The following SURF1 variants were observed in gnomAD, a reference collection of about 807,000 sequenced individuals.
The protein encoded by SURF1 is SURF1 cytochrome c oxidase assembly factor.
SURF1 carries 45 observed loss-of-function variants against 34.1 expected under a neutral mutation model. That is an observed-to-expected ratio of 1.32 (90% CI 1.04 to 1.69). SURF1 has a LOEUF of 1.69. Among genes scored for constraint, SURF1 ranks in the 40% most tolerant of loss-of-function variants. The pLI, the probability that SURF1 is intolerant of heterozygous loss-of-function variation, is 0.00. For synonymous variants in SURF1, 188 were observed against 147.5 expected (o/e 1.27, Z -1.99); for missense variants, 456 against 384.6 (o/e 1.19, Z -1.55).
At chr9:133,353,999 G>A (rs1836505200) in intron 4 of SURF1, 59 bp from the exon 5 acceptor site, 1 of 1,603,580 alleles carries the variant, frequency 6.2e-7, no homozygotes, top group Non-Finnish European at 8.5e-7. Flanking sequence ...AATCCCCTGA[G>A]GGTGGCAGAC....
At position 133,354,885 on chromosome 9, in the gene SURF1, G is replaced by A. The variant is rs782301641; in HGVS notation, c.179C>T (p.Ser60Phe). ...EASATKAEDD[S>F]FLQWVLLLIP... ...GAGGAGCAGGACCCACTGAAGAAAG[G>A]AGTCATCTTCCGCTTTTGTGGCAGA... The change falls in exon 3 of 9, where the codon TCC becomes TTC. Residue 60 changes from serine to phenylalanine, a missense_variant. Transcript: ENST00000371974. The A allele has an allele frequency of 6.2e-7, 1 of 1,613,908 alleles. No individual in the cohort carries two copies. Among genetic ancestry groups the A allele is most frequent in the Non-Finnish European group, 8.5e-7 (1 of 1,180,042 alleles).
Position 133,356,335 on chromosome 9 carries a change from G to C in SURF1, c.55-15C>G, listed in dbSNP as rs1255936479. On this transcript the variant is annotated splice_polypyrimidine_tract_variant and intron_variant, in intron 1 of 8. Coordinates refer to ENST00000371974, the MANE Select transcript of SURF1 (RefSeq NM_003172.4). ...CTGGCCGGGGCCTGCGGACACGGAC[G>C]GGCGGGCTGAGCTCCGGGACCCCTC... 13 of 1,505,846 alleles carry C rather than the reference G, an allele frequency of 8.6e-6. No individual in the cohort carries two copies. Among genetic ancestry groups the C allele is most frequent in the Non-Finnish European group, 9.7e-6 (11 of 1,135,794 alleles). The allele number at this position is 1,505,846 out of a possible 1,614,324, so 93.3% of individuals were successfully genotyped here.
chr9:133,355,951 C>A (rs1016939276), intron 2 of SURF1, among the ~76,000 whole-genome samples: 1 of 152,150 alleles, frequency 6.6e-6, no homozygotes, highest in African/African-American at 2.4e-5. Flanking sequence ...ACTTTCAGAG[C>A]CCTGGGCTTT....
Position 133,354,857 on chromosome 9 carries a change from G to A in SURF1, c.207C>T (p.Ile69=), listed in dbSNP as rs2130019206. 1.9e-6 allele frequency: 3 copies of A among 1,614,048 alleles called. No homozygotes were observed. In the South Asian group the frequency reaches 3.3e-5, roughly 18 times the overall value. ...TCCCCAAGCCAAAGGCAGTCACAGG[G>A]ATGAGGAGCAGGACCCACTGAAGAA... The part of the protein sequence containing the change: ...DSFLQWVLLL[I]PVTAFGLGTW... Residue 69 remains isoleucine (I), a synonymous_variant, in exon 3 of 9, where the codon ATC becomes ATT. Coordinates refer to ENST00000371974, the MANE Select transcript of SURF1 (RefSeq NM_003172.4).
intron 7 of SURF1, 133 bp from the exon 8 acceptor site, chr9:133,352,275 CTT>C: frequency 7.3e-7 from 1 of 1,375,524 alleles, no homozygotes; most frequent in Admixed American, 1.9e-5. Context: ...CATCCCCGCC[CTT>C]GTCCGCTCAG....
intron 7 of SURF1, 136 bp downstream of exon 7, chr9:133,352,310 A>G: frequency 6.8e-7 from 1 of 1,472,124 alleles, no homozygotes; most frequent in Non-Finnish European, 9.4e-7. Flanking sequence ...TTCTTTGCTG[A>G]GTTGCTGCCT....
intron 2 of SURF1, 49 bp downstream of exon 2, chr9:133,356,220 G>A: frequency 2.6e-6 from 4 of 1,531,202 alleles, no homozygotes; most frequent in Non-Finnish European, 2.6e-6. Context: ...GCAGACAGCA[G>A]GTGGCTCTGC....
At chr9:133,356,087 C>G (rs1481444482) in intron 2 of SURF1, 182 bp downstream of exon 2, 2 of 832,570 alleles carry the variant, frequency 2.4e-6, no homozygotes, top group Non-Finnish European at 3.8e-6. Context: ...TCGCTACATG[C>G]CCGGCACACG....
intron 5 of SURF1, among the ~76,000 whole-genome samples, chr9:133,353,505 C>T (rs1012237129): frequency 6.6e-6 from 1 of 152,204 alleles, no homozygotes; most frequent in East Asian, 1.9e-4. Flanking sequence ...CCCTGTTTCA[C>T]GAATCCCTCC....
chr9:133,353,903 T>C lies in SURF1; in HGVS notation c.361A>G (p.Lys121Glu). The C allele has an allele frequency of 6.2e-7, 1 of 1,613,904 alleles. No homozygotes were observed. The change falls in exon 5 of 9, where the codon AAG becomes GAG. Residue 121 changes from lysine (K) to glutamate (E), a missense_variant. By Grantham distance (56) the Lys-to-Glu change is moderately conservative. Transcript: ENST00000371974. ...ELKNLEYRPV[K>E]VRGCFDHSKE... ...GAATGGTCAAAGCACCCCCTGACCT[T>C]CACTGGCCTATACTCCAGATTTTTC...
chr9:133,354,091 G>A, intron 4 of SURF1, 151 bp from the exon 5 acceptor site: 2 of 846,906 alleles, frequency 2.4e-6, no homozygotes. Context: ...TGCCATGTGG[G>A]AATGTGGATC....
Position 133,351,829 on chromosome 9 carries a change from T to C in SURF1, c.*84A>G. The C allele has an allele frequency of 2.1e-6, 3 of 1,461,272 alleles. No homozygotes were observed. Among genetic ancestry groups the C allele is most frequent in the Middle Eastern group, 3.5e-4 (2 of 5,790 alleles). 90.5% of individuals were successfully genotyped at this position (1,461,272 alleles called of 1,614,324 possible). A position where few individuals can be genotyped will look rare whatever the true frequency, so the allele number is the denominator to read the frequency against. On this transcript the variant is annotated 3_prime_UTR_variant, in exon 9 of 9. Coordinates refer to ENST00000371974, the MANE Select transcript of SURF1 (RefSeq NM_003172.4). Reference sequence around the variant, plus strand: ...CTCATTTAAGGTAGAAGGCCAGAACTTTATACCAGTAGCACATGATCCAGC... The same window carrying C: ...CTCATTTAAGGTAGAAGGCCAGAACCTTATACCAGTAGCACATGATCCAGC...
Position 133,352,554 on chromosome 9 carries a change from G to T in SURF1, c.643C>A (p.Pro215Thr), listed in dbSNP as rs2130007824. Reference protein sequence around the residue: ...GMVRLTETRQPFVPENNPERN... With the variant: ...GMVRLTETRQTFVPENNPERN... ...TCTGGATTGTTCTCAGGGACAAAAGGCTGCCTGGTTTCTGTCAGCCTCACC... is the reference window on the plus strand; with the variant it reads ...TCTGGATTGTTCTCAGGGACAAAAGTCTGCCTGGTTTCTGTCAGCCTCACC... The change falls in exon 7 of 9, where the codon CCT becomes ACT. Residue 215 changes from proline to threonine, a missense_variant. Transcript: ENST00000371974. 1 of 1,614,174 alleles carries T rather than the reference G, an allele frequency of 6.2e-7. No homozygotes were observed. The highest frequency in any genetic ancestry group is 8.5e-7 in the Non-Finnish European group (1 of 1,180,034).
intron 2 of SURF1, 135 bp from the exon 3 acceptor site, chr9:133,355,092 GC>G: frequency 8.6e-7 from 1 of 1,168,740 alleles, no homozygotes; most frequent in Non-Finnish European, 1.3e-6. Flanking sequence ...CCTGTATCCA[GC>G]CCAGCTCCTA....
At chr9:133,355,633 T>G (rs1836554695) in intron 2 of SURF1, among the ~76,000 whole-genome samples, 2 of 152,058 alleles carry the variant, frequency 1.3e-5, no homozygotes, top group South Asian at 4.1e-4. Flanking sequence ...GCACTAGTGG[T>G]TGTTGTGTTA....
At chr9:133,353,989 A>T (rs1468864660) in intron 4 of SURF1, 49 bp from the exon 5 acceptor site, 1 of 1,610,660 alleles carries the variant, frequency 6.2e-7, no homozygotes, top group East Asian at 2.2e-5. Flanking sequence ...CTGGAAAACG[A>T]ATCCCCTGAG....
chr9:133,352,831 C>T (rs2130010627), intron 5 of SURF1, 65 bp from the exon 6 acceptor site: 97 of 1,511,556 alleles, frequency 6.4e-5, no homozygotes, highest in Non-Finnish European at 8.3e-5. Context: ...CACTCATGGT[C>T]ACTCAGGCAC....
rs2130024457 is a variant in SURF1 at position 133,356,188 on chromosome 9, C to G, written c.106+81G>C. ...GGCAGTTGGTTCATTTCAATCCCCA[C>G]GACAACCCTTCAAAGTGCAGGGCAG... is the stretch of plus-strand genomic sequence containing the variant. On this transcript the variant is annotated intron_variant, in intron 2 of 8. Transcript: ENST00000371974. 0.38 allele frequency: 567,667 copies of G among 1,506,178 alleles called. 112,654 individuals are homozygous for G. Among genetic ancestry groups the G allele is most frequent in the South Asian group, 0.47 (39,527 of 83,380 alleles). The allele number at this position is 1,506,178 out of a possible 1,614,324, so 93.3% of individuals were successfully genotyped here. A position where few individuals can be genotyped will look rare whatever the true frequency, so the allele number is the denominator to read the frequency against.
intron 8 of SURF1, 29 bp downstream of exon 8, chr9:133,352,028 GGGGA>G: frequency 6.2e-7 from 1 of 1,612,940 alleles, no homozygotes; most frequent in Non-Finnish European, 8.5e-7. Context: ...CTAGGCTGAA[GGGGA>G]GGAAGCCAGA....
Sources: allele counts gnomAD v4.1 joint callset (sites outside exome capture counted in the v4.1 genomes callset), GRCh38; gene constraint gnomAD v4.1.1; transcripts MANE v1.5; gene names NCBI Gene and HGNC (gene_info 2026-07-23, HGNC 2026-07-21).